Variants in NEGR1 observed in about 807,000 individuals in gnomAD.
NEGR1 encodes neuronal growth regulator 1, also known as IgLON family member 4.
NEGR1 carries 10 observed loss-of-function variants against 40.9 expected under a neutral mutation model. The observed-to-expected ratio is 0.24, with a 90% CI of 0.15 to 0.42. NEGR1 has a LOEUF of 0.42. Among genes scored for constraint, NEGR1 ranks in the 10% least tolerant of loss-of-function variants. The pLI is 1.00. For missense variants in NEGR1, 352 were observed against 438.9 expected, an observed-to-expected ratio of 0.80 and a Z score of 1.77; for synonymous variants, 185 against 166.8, an observed-to-expected ratio of 1.11 and a Z score of -0.84.
intron 1 of NEGR1, among the ~76,000 whole-genome samples, chr1:72,088,790 CTCTCTCTTTTTT>C (rs1218601710): frequency 8.2e-6 from 1 of 121,898 alleles, no homozygotes; most frequent in Non-Finnish European, 1.6e-5. Flanking sequence ...GTAGTTCTCT[CTCTCTCTTTTTT>C]TTTTTTTTTT....
chr1:71,499,137 A>G (rs545916625), intron 6 of NEGR1, among the ~76,000 whole-genome samples: 6 of 152,270 alleles, frequency 3.9e-5, no homozygotes, highest in African/African-American at 1.4e-4. Flanking sequence ...CCATGTGACA[A>G]AATGAACTGT....
chr1:72,278,898 T>A (rs554467593), intron 1 of NEGR1, among the ~76,000 whole-genome samples: 2 of 152,136 alleles, frequency 1.3e-5, no homozygotes, highest in Non-Finnish European at 2.9e-5. Flanking sequence ...TTAGACATCA[T>A]ATATTTTTTA....
chr1:71,484,293 C>T (rs946698879), intron 6 of NEGR1, among the ~76,000 whole-genome samples: 1 of 151,392 alleles, frequency 6.6e-6, no homozygotes, highest in Non-Finnish European at 1.5e-5. Context: ...CACCTTCATG[C>T]AAGACTTTTT....
At chr1:71,757,812 A>T (rs1468966381) in intron 3 of NEGR1, among the ~76,000 whole-genome samples, 1 of 152,144 alleles carries the variant, frequency 6.6e-6, no homozygotes, top group African/African-American at 2.4e-5. Context: ...TAGAAGGGCA[A>T]TCATTAACTT....
chr1:71,553,324 G>T (rs184278857), intron 6 of NEGR1, among the ~76,000 whole-genome samples: 166 of 151,614 alleles, frequency 1.1e-3, no homozygotes, highest in Non-Finnish European at 1.9e-3. Context: ...TGCTGAACCT[G>T]AAATCTCTCT....
chr1:71,478,813 G>T (rs1646837229), intron 6 of NEGR1, among the ~76,000 whole-genome samples: 1 of 151,704 alleles, frequency 6.6e-6, no homozygotes, highest in Non-Finnish European at 1.5e-5. Context: ...GAGTTTTGGT[G>T]TGTTAGTAGT....
At chr1:72,248,195 A>G (rs1005725612) in intron 1 of NEGR1, among the ~76,000 whole-genome samples, 2 of 152,150 alleles carry the variant, frequency 1.3e-5, no homozygotes, top group African/African-American at 4.8e-5. Context: ...TACAAACTAT[A>G]TCTCAATAAG....
At chr1:71,985,728 A>G (rs1264854597) in intron 1 of NEGR1, among the ~76,000 whole-genome samples, 4 of 152,192 alleles carry the variant, frequency 2.6e-5, no homozygotes, top group African/African-American at 9.6e-5. Context: ...AAGAAGTAAA[A>G]GTACTTTATC....
chr1:71,573,264 A>T (rs1213521), intron 6 of NEGR1, among the ~76,000 whole-genome samples: 54,948 of 152,088 alleles, frequency 0.36, 10,419 homozygotes, highest in East Asian at 0.73. Flanking sequence ...ATTGATACGA[A>T]GTATGTACCA....
At chr1:71,622,692 A>G (rs940007520) in intron 4 of NEGR1, among the ~76,000 whole-genome samples, 1 of 151,852 alleles carries the variant, frequency 6.6e-6, no homozygotes, top group African/African-American at 2.4e-5. Flanking sequence ...GCTCATATAT[A>G]CATTCGAGAT....
chr1:71,622,411 A>AT (rs1403689249), intron 4 of NEGR1, among the ~76,000 whole-genome samples: 12 of 151,876 alleles, frequency 7.9e-5, no homozygotes, highest in African/African-American at 2.4e-4. Context: ...ATTTGAATGC[A>AT]TTTTTTCTAA....
At chr1:71,600,571 C>G (rs1375876041) in intron 5 of NEGR1, among the ~76,000 whole-genome samples, 2 of 152,080 alleles carry the variant, frequency 1.3e-5, no homozygotes, top group African/African-American at 2.4e-5. Flanking sequence ...GGCTTACAAA[C>G]AAAGGAGCCA....
At chr1:72,275,092 C>A in intron 1 of NEGR1, 1 of 908,456 alleles carries the variant, frequency 1.1e-6, no homozygotes. Flanking sequence ...CCTCCTGATA[C>A]CGAAAGACTT....
chr1:72,061,456 T>G (rs1160799336), intron 1 of NEGR1, among the ~76,000 whole-genome samples: 3 of 151,954 alleles, frequency 2.0e-5, no homozygotes, highest in Non-Finnish European at 4.4e-5. Flanking sequence ...CATTACATTT[T>G]CTGATACATA....
At chr1:72,228,479 G>C (rs1654260819) in intron 1 of NEGR1, among the ~76,000 whole-genome samples, 1 of 152,108 alleles carries the variant, frequency 6.6e-6, no homozygotes, top group Non-Finnish European at 1.5e-5. Context: ...GCTAACAGAA[G>C]GTGGATTGTG....
At chr1:71,500,858 G>A (rs529051609) in intron 6 of NEGR1, among the ~76,000 whole-genome samples, 1 of 151,756 alleles carries the variant, frequency 6.6e-6, no homozygotes, top group South Asian at 2.1e-4. Flanking sequence ...TTAAATAGTT[G>A]TTATACTATA....
chr1:71,964,610 A>G (rs997403960), intron 1 of NEGR1, among the ~76,000 whole-genome samples: 1 of 152,156 alleles, frequency 6.6e-6, no homozygotes, highest in Admixed American at 6.6e-5. Flanking sequence ...TTTTAAGCAG[A>G]CATAAGCCAA....
At chr1:71,645,533 A>G (rs923044618) in intron 4 of NEGR1, among the ~76,000 whole-genome samples, 1 of 151,910 alleles carries the variant, frequency 6.6e-6, no homozygotes, top group African/African-American at 2.4e-5. Context: ...CAGAAAAAAA[A>G]TCTTCTCTCA....
At chr1:71,970,595 C>T (rs911791792) in intron 1 of NEGR1, among the ~76,000 whole-genome samples, 15 of 151,700 alleles carry the variant, frequency 9.9e-5, no homozygotes, top group Admixed American at 2.6e-4. Flanking sequence ...CTTGGGAGGC[C>T]GAGGGAGTAG....
Sources: gnomAD v4.1 joint callset for allele counts (sites outside exome capture counted in the v4.1 genomes callset) on GRCh38, gnomAD v4.1.1 for gene constraint, MANE v1.5 for transcripts, NCBI Gene and HGNC (gene_info 2026-07-23, HGNC 2026-07-21) for gene names.